Variants in GALNT13 observed in about 807,000 individuals in gnomAD.
GALNT13 encodes polypeptide N-acetylgalactosaminyltransferase 13.
A neutral mutation model predicts 64.2 loss-of-function variants in GALNT13; 28 were observed. The observed-to-expected ratio is 0.44, with a 90% CI of 0.32 to 0.60. GALNT13 has a LOEUF of 0.60. Among genes scored for constraint, GALNT13 ranks in the 20% least tolerant of loss-of-function variants. The pLI is 0.05. For synonymous variants in GALNT13, 214 were observed against 224.6 expected (o/e 0.95, Z 0.42); for missense variants, 577 against 669.8 (o/e 0.86, Z 1.53).
the GALNT13 span, among the ~76,000 whole-genome samples, chr2:153,255,153 C>A: frequency 8.6e-5 from 13 of 151,056 alleles, no homozygotes. Context: ...CTGGGTGCTC[C>A]TGTATTGGGT....
chr2:154,446,736 A>G (rs1189686316), intron 12 of GALNT13: 3 of 1,540,786 alleles, frequency 1.9e-6, no homozygotes, highest in East Asian at 2.5e-5. Flanking sequence ...TGGGAATTCT[A>G]CTGATTACAT....
At chr2:154,061,387 G>A (rs1700174928) in intron 3 of GALNT13, among the ~76,000 whole-genome samples, 1 of 152,180 alleles carries the variant, frequency 6.6e-6, no homozygotes, top group East Asian at 1.9e-4. Flanking sequence ...CCTGTAGTTA[G>A]GCCTCAAAGA....
chr2:153,540,819 G>A, the GALNT13 span, among the ~76,000 whole-genome samples: 4 of 152,202 alleles, frequency 2.6e-5, no homozygotes, highest in Non-Finnish European at 5.9e-5. Flanking sequence ...TGGAATGTGT[G>A]TATTTACCCA....
At chr2:153,090,215 A>T in the GALNT13 span, among the ~76,000 whole-genome samples, 12 of 152,064 alleles carry the variant, frequency 7.9e-5, no homozygotes, top group East Asian at 2.1e-3. Context: ...AGGGATTGTT[A>T]TTGCTCTCTT....
chr2:153,759,491 C>A, the GALNT13 span, among the ~76,000 whole-genome samples: 2 of 151,980 alleles, frequency 1.3e-5, no homozygotes, highest in African/African-American at 2.4e-5. Context: ...TATAGCTAAT[C>A]CATTGGGAGA....
At chr2:153,354,970 C>G in the GALNT13 span, among the ~76,000 whole-genome samples, 1 of 152,088 alleles carries the variant, frequency 6.6e-6, no homozygotes, top group Non-Finnish European at 1.5e-5. Context: ...ACTGTTTAGC[C>G]AGTTATTTTC....
At chr2:153,540,811 G>T in the GALNT13 span, among the ~76,000 whole-genome samples, 6 of 152,164 alleles carry the variant, frequency 3.9e-5, no homozygotes, top group African/African-American at 1.4e-4. Context: ...CTCCCATTTG[G>T]AATGTGTGTA....
chr2:153,104,331 G>A, the GALNT13 span, among the ~76,000 whole-genome samples: 1 of 151,972 alleles, frequency 6.6e-6, no homozygotes, highest in Non-Finnish European at 1.5e-5. Flanking sequence ...GGTATTAATG[G>A]GCTCTCCCAA....
intron 3 of GALNT13, among the ~76,000 whole-genome samples, chr2:153,970,300 A>G (rs1693653559): frequency 6.6e-6 from 1 of 152,184 alleles, no homozygotes; most frequent in Non-Finnish European, 1.5e-5. Flanking sequence ...TTGACTGTCA[A>G]TAACATCTGA....
Position 154,188,597 on chromosome 2 carries a change from T to C in GALNT13, c.311+48092T>C, listed in dbSNP as rs183524232. On this transcript the variant is annotated intron_variant, in intron 4 of 12. Transcript: ENST00000392825. ...AATGTTAAAGCAAAAAAGATAAGAA[T>C]ATTAATCTCCTAACAGCAAAGAATA... 8.7e-4 allele frequency among the ~76,000 whole-genome samples: 132 copies of C among 152,252 alleles called. 3 individuals are homozygous for C. In the East Asian group the frequency reaches 0.024, roughly 27 times the overall value.
At chr2:153,687,772 A>T in the GALNT13 span, among the ~76,000 whole-genome samples, 1 of 151,958 alleles carries the variant, frequency 6.6e-6, no homozygotes. Flanking sequence ...ATATTGACGA[A>T]GCCTTCTGTC....
intron 8 of GALNT13, among the ~76,000 whole-genome samples, chr2:154,275,177 A>G (rs1034387838): frequency 6.6e-6 from 1 of 152,184 alleles, no homozygotes; most frequent in Non-Finnish European, 1.5e-5. Flanking sequence ...AATAGAAAAG[A>G]AAAACCCATT....
chr2:153,345,635 T>TTTTCTTTCTTTCTTTCTTTCTTTCTTTC, the GALNT13 span, among the ~76,000 whole-genome samples: 2 of 68,806 alleles, frequency 2.9e-5, no homozygotes, highest in East Asian at 3.6e-4. Flanking sequence ...TTTCCTTTCT[T>TTTTCTTTCTTTCTTTCTTTCTTTCTTTC]TTTCTTTCTT....
chr2:153,843,867 C>A, the GALNT13 span, among the ~76,000 whole-genome samples: 1 of 152,194 alleles, frequency 6.6e-6, no homozygotes, highest in Non-Finnish European at 1.5e-5. Context: ...CCTAAATAAT[C>A]TGCTTAGGTT....
the GALNT13 span, among the ~76,000 whole-genome samples, chr2:153,392,690 C>G: frequency 6.6e-6 from 1 of 152,032 alleles, no homozygotes; most frequent in African/African-American, 2.4e-5. Context: ...ATTACATACT[C>G]TTCTGAATCC....
intron 3 of GALNT13, among the ~76,000 whole-genome samples, chr2:154,135,415 G>A (rs1395152980): frequency 6.6e-6 from 1 of 152,060 alleles, no homozygotes; most frequent in Non-Finnish European, 1.5e-5. Flanking sequence ...TGCAGCCGGG[G>A]CTTGCTATTT....
intron 9 of GALNT13, among the ~76,000 whole-genome samples, chr2:154,317,988 A>G (rs1694414957): frequency 6.6e-6 from 1 of 152,156 alleles, no homozygotes; most frequent in Non-Finnish European, 1.5e-5. Context: ...ATCAGTTTGT[A>G]GATAACTGCT....
chr2:153,591,066 A>ATG, the GALNT13 span, among the ~76,000 whole-genome samples: 5 of 152,070 alleles, frequency 3.3e-5, no homozygotes, highest in Non-Finnish European at 5.9e-5. Flanking sequence ...GTCTAGAATA[A>ATG]CCTTATAATT....
At chr2:153,076,955 ATATT>A in the GALNT13 span, among the ~76,000 whole-genome samples, 3 of 150,308 alleles carry the variant, frequency 2.0e-5, no homozygotes, top group African/African-American at 7.3e-5. Flanking sequence ...AAATTTTTAT[ATATT>A]TATTTATTTT....
Sources: allele counts gnomAD v4.1 joint callset (sites outside exome capture counted in the v4.1 genomes callset), GRCh38; gene constraint gnomAD v4.1.1; transcripts MANE v1.5; gene names NCBI Gene and HGNC (gene_info 2026-07-23, HGNC 2026-07-21).